HLA-G: variants seen among roughly 807,000 people sequenced by gnomAD.
The protein encoded by HLA-G is HLA class I histocompatibility antigen, alpha chain G.
In HLA-G, 34 loss-of-function variants were observed where a neutral mutation model predicts 39.3. That is an observed-to-expected ratio of 0.86 (90% CI 0.66 to 1.15). The LOEUF is 1.15. HLA-G is among the 50% of genes most tolerant of loss of function. HLA-G has a pLI of 0.00. For missense variants in HLA-G, 419 were observed against 456.4 expected, an observed-to-expected ratio of 0.92 and a Z score of 0.75; for synonymous variants, 183 against 185.8, an observed-to-expected ratio of 0.99 and a Z score of 0.12.
chr6:29,829,701 GGGAGATGGA>G lies in HLA-G; in HGVS notation c.895+11_895+19del, dbSNP rs2113861171. 6 of 1,611,474 alleles carry G rather than the reference GGGAGATGGA, an allele frequency of 3.7e-6. No homozygotes were observed. The East Asian group carries it at 1.3e-4, about 36-fold the overall frequency. ...CCCTCATGCTGAGATGGAGTAAGGA[GGGAGATGGA>G]GGCATCATGTCTGTTAGGGAAAGCA... On this transcript the variant is annotated intron_variant, in intron 4 of 6. Coordinates refer to ENST00000360323, the MANE Select transcript of HLA-G (RefSeq NM_001384290.1).
chr6:29,830,565 C>A (rs1016188934), intron 6 of HLA-G, 155 bp downstream of exon 6: 1 of 794,750 alleles, frequency 1.3e-6, no homozygotes. Flanking sequence ...AGTGACAGTG[C>A]CCAGGGCTCT....
chr6:29,828,463 G>A (rs1308612904), intron 2 of HLA-G, 80 bp from the exon 3 acceptor site: 3 of 1,564,618 alleles, frequency 1.9e-6, no homozygotes, highest in East Asian at 2.2e-5. Context: ...ACCCCAAGGC[G>A]CCTTTACCAA....
In HLA-G at chr6:29,828,299, A is replaced by G; in HGVS notation, c.326A>G (p.Tyr109Cys). The change falls in exon 2 of 7, where the codon TAC (tyrosine) becomes TGC (cysteine). Residue 109 changes from tyrosine (Y) to cysteine (C), a missense_variant. Coordinates refer to ENST00000360323, the MANE Select transcript of HLA-G (RefSeq NM_001384290.1). ...AACCTGCAGACCCTGCGCGGCTACT[A>G]CAACCAGAGCGAGGCCAGTGAGTAA... is the stretch of plus-strand genomic sequence containing the variant. ...RMNLQTLRGY[Y>C]NQSEASSHTL... is the part of the protein sequence containing the mutation. The G allele has an allele frequency of 1.2e-6, 2 of 1,613,012 alleles. No individual in the cohort carries two copies. Among genetic ancestry groups the G allele is most frequent in the Non-Finnish European group, 1.7e-6 (2 of 1,179,500 alleles).
chr6:29,827,721 G>T, upstream of HLA-G: 7 of 938,648 alleles, frequency 7.5e-6, no homozygotes, highest in South Asian at 2.8e-5. Context: ...GATACTCACC[G>T]GGCGGCCCCA....
chr6:29,827,821 A>G, upstream of HLA-G: 1 of 1,606,736 alleles, frequency 6.2e-7, no homozygotes, highest in Non-Finnish European at 8.5e-7. Context: ...ACCCACCCGG[A>G]CTCATTCTCC....
At chr6:29,828,398 G>T in intron 2 of HLA-G, 82 bp downstream of exon 2, 3 of 1,555,450 alleles carry the variant, frequency 1.9e-6, no homozygotes, top group Non-Finnish European at 2.6e-6. Context: ...CGAGTCTCCG[G>T]GTCTGGGATC....
In HLA-G at chr6:29,829,819, A is replaced by T. The variant is rs766671384; in HGVS notation, c.899A>T (p.Gln300Leu). Reference protein sequence around the residue: ...LPEPLMLRWKQSSLPTIPIMG... With the variant: ...LPEPLMLRWKLSSLPTIPIMG... The stretch of plus-strand genomic sequence containing the variant: ...TCACCTTCACCTCCTTTCCCAGAGC[A>T]GTCTTCCCTGCCCACCATCCCCATC... Residue 300 changes from glutamine to leucine, a missense_variant, in exon 5 of 7, where the codon CAG (glutamine) becomes CTG (leucine). Transcript: ENST00000360323. 6.2e-6 allele frequency: 10 copies of T among 1,612,546 alleles called. No homozygotes were observed. The highest frequency in any genetic ancestry group is 8.5e-6 in the Non-Finnish European group (10 of 1,179,072).
upstream of HLA-G, chr6:29,827,546 G>T: frequency 2.4e-6 from 1 of 425,182 alleles, no homozygotes; most frequent in South Asian, 2.0e-5. Flanking sequence ...GGGAGACACT[G>T]AGACAGAACG....
upstream of HLA-G, chr6:29,827,525 G>A (rs1345693698): frequency 7.6e-6 from 3 of 395,830 alleles, no homozygotes; most frequent in South Asian, 2.1e-5. Context: ...CAGCTCCTGG[G>A]CCAAGACTCA....
Position 29,828,108 on chromosome 6 carries a change from C to G in HLA-G, c.135C>G (p.Arg45=). 6.2e-7 allele frequency: 1 copy of G among 1,612,866 alleles called. No homozygotes were observed. The highest frequency in any genetic ancestry group is 8.5e-7 in the Non-Finnish European group (1 of 1,179,772). ...CCCGGCCCGGCCGCGGGGAGCCCCG[C>G]TTCATCGCCATGGGCTACGTGGACG... ...AVSRPGRGEP[R]FIAMGYVDDT... The change falls in exon 2 of 7, where the codon CGC becomes CGG. Residue 45 remains arginine (R), a synonymous_variant. Transcript: ENST00000360323.
rs776393668 is a variant in HLA-G, at chr6:29,828,311, A to T, written c.338A>T (p.Glu113Val). The change falls in exon 2 of 7, where the codon GAG becomes GTG. Residue 113 changes from glutamate (E) to valine (V), a missense_variant. Around this residue, in one of 2 missense-constraint regions of HLA-G, gnomAD observed 328 missense variants for 323.0 expected, o/e 1.02. Transcript: ENST00000360323. Reference sequence around the variant, plus strand: ...CTGCGCGGCTACTACAACCAGAGCGAGGCCAGTGAGTAACTCCGGCCCAGG... The same window carrying T: ...CTGCGCGGCTACTACAACCAGAGCGTGGCCAGTGAGTAACTCCGGCCCAGG... ...QTLRGYYNQS[E>V]ASSHTLQWMI... 6.8e-6 allele frequency: 11 copies of T among 1,611,822 alleles called. No homozygotes were observed. Among genetic ancestry groups the T allele is most frequent in the Non-Finnish European group, 9.3e-6 (11 of 1,178,982 alleles).
intron 5 of HLA-G, 24 bp from the exon 6 acceptor site, chr6:29,830,354 T>G: frequency 6.2e-7 from 1 of 1,613,568 alleles, no homozygotes. Flanking sequence ...TTCTGGCCTC[T>G]CACAGGACAT....
upstream of HLA-G, chr6:29,827,732 G>A: frequency 6.4e-6 from 7 of 1,098,244 alleles, no homozygotes; most frequent in South Asian, 6.5e-5. Flanking sequence ...GGCGGCCCCA[G>A]TTCTCACTCC....
At position 29,827,838 on chromosome 6, in the gene HLA-G, G is replaced by C; in HGVS notation, c.-7G>C. On this transcript the variant is annotated 5_prime_UTR_variant, in exon 1 of 7. Coordinates refer to ENST00000360323, the MANE Select transcript of HLA-G (RefSeq NM_001384290.1). ...CCACCCGGACTCATTCTCCCCAGAC[G>C]CCAAGGATGGTGGTCATGGCGCCCC... is the stretch of plus-strand genomic sequence containing the variant. 1 of 1,612,802 alleles carries C rather than the reference G, an allele frequency of 6.2e-7. No homozygotes were observed. The highest frequency in any genetic ancestry group is 8.5e-7 in the Non-Finnish European group (1 of 1,179,358).
rs1180716957 is a variant in HLA-G, at chr6:29,828,276, C to T, written c.303C>T (p.Asn101=). The T allele has an allele frequency of 1.2e-6, 2 of 1,613,358 alleles. No individual in the cohort carries two copies. The highest frequency in any genetic ancestry group is 3.3e-5 in the Admixed American group (2 of 60,006). ...TKAHAQTDRM[N]LQTLRGYYNQ... ...CCCACGCACAGACTGACAGAATGAA[C>T]CTGCAGACCCTGCGCGGCTACTACA... Residue 101 remains asparagine (N), a synonymous_variant, in exon 2 of 7, where the codon AAC becomes AAT. Coordinates refer to ENST00000360323, the MANE Select transcript of HLA-G (RefSeq NM_001384290.1).
chr6:29,830,298 G>A lies in HLA-G; in HGVS notation c.1013-80G>A, dbSNP rs1434834669. ...ACACATTTCTGGAAACTTCTCGAGG[G>A]TCCAAGACTAGGAGGTTCCTCTAGG... On this transcript the variant is annotated intron_variant, in intron 5 of 6. Coordinates refer to ENST00000360323, the MANE Select transcript of HLA-G (RefSeq NM_001384290.1). 3 of 1,500,950 alleles carry A rather than the reference G, an allele frequency of 2.0e-6. No homozygotes were observed. The East Asian group carries it at 6.8e-5, about 34-fold the overall frequency. 93.0% of individuals were successfully genotyped at this position (1,500,950 alleles called of 1,614,324 possible).
intron 6 of HLA-G, 31 bp downstream of exon 6, chr6:29,830,441 C>T: frequency 6.3e-7 from 1 of 1,595,378 alleles, no homozygotes; most frequent in Non-Finnish European, 8.6e-7. Flanking sequence ...TCCCTGAGAT[C>T]CTTGGGATCT....
chr6:29,827,312 A>C (rs893429276), upstream of HLA-G: 21 of 355,708 alleles, frequency 5.9e-5, no homozygotes, highest in South Asian at 1.1e-4. Flanking sequence ...GGGAAAAAAA[A>C]CCCTGTCTTT....
chr6:29,828,863 T>C (rs1632942), intron 3 of HLA-G, 45 bp downstream of exon 3: 841,599 of 1,605,552 alleles, frequency 0.52, 225,030 homozygotes, highest in South Asian at 0.71. Context: ...TGTAGACCTC[T>C]CAGCCTGGCC....
Sources: allele counts gnomAD v4.1 joint callset, GRCh38; gene constraint gnomAD v4.1.1; regional missense constraint gnomAD v4.1.1; transcripts MANE v1.5; gene names NCBI Gene and HGNC (gene_info 2026-07-23, HGNC 2026-07-21).